The following CFAP299 variants were observed in gnomAD, a reference collection of about 807,000 sequenced individuals.
The protein encoded by CFAP299 is cilia and flagella associated protein 299.
A neutral mutation model predicts 27.0 loss-of-function variants in CFAP299; 21 were observed. The ratio of observed to expected loss-of-function variants is 0.78; its 90% CI spans 0.55 to 1.12. CFAP299 has a LOEUF of 1.12. Ranked by LOEUF, CFAP299 falls within the 50% of genes most tolerant of loss-of-function variation. The probability of loss-of-function intolerance (pLI) is 0.00; values close to 1 mark genes in which losing one functional copy is unlikely to be tolerated. For missense variants in CFAP299, 310 were observed against 276.6 expected, an observed-to-expected ratio of 1.12 and a Z score of -0.86; for synonymous variants, 104 against 98.1, an observed-to-expected ratio of 1.06 and a Z score of -0.36.
rs529807026 is a variant in CFAP299, at chr4:80,492,800, C to CAAAG, written c.243-90292_243-90289dup. ...TTTATCATGGTTTCTACAGGAAAGG[C>CAAAG]AAAGCAAGACTGAGTAAGCAGGCTT... On this transcript the variant is annotated intron_variant, in intron 2 of 5. Transcript: ENST00000358105. Among the ~76,000 whole-genome samples the CAAAG allele has an allele frequency of 6.6e-4, 101 of 152,220 alleles. 1 individual carries two copies. The highest frequency in any genetic ancestry group is 1.1e-3 in the Non-Finnish European group (75 of 68,014).
chr4:80,614,852 G>A (rs1423816210), intron 3 of CFAP299, among the ~76,000 whole-genome samples: 2 of 152,126 alleles, frequency 1.3e-5, no homozygotes, highest in Non-Finnish European at 2.9e-5. Context: ...TATCTGAACA[G>A]CAGAGAAAAA....
At chr4:80,376,997 A>G (rs558413666) in intron 2 of CFAP299, among the ~76,000 whole-genome samples, 1 of 152,200 alleles carries the variant, frequency 6.6e-6, no homozygotes, top group African/African-American at 2.4e-5. Flanking sequence ...AGTGTTCTTT[A>G]TATATTCCAG....
At chr4:80,866,237 TA>T (rs1459650436) in intron 3 of CFAP299, among the ~76,000 whole-genome samples, 28 of 151,378 alleles carry the variant, frequency 1.8e-4, no homozygotes, top group Admixed American at 1.5e-3. Context: ...AGCTTAGGTT[TA>T]AAAAATTTAA....
intron 2 of CFAP299, among the ~76,000 whole-genome samples, chr4:80,530,201 A>G (rs1311266501): frequency 6.6e-6 from 1 of 152,176 alleles, no homozygotes; most frequent in African/African-American, 2.4e-5. Flanking sequence ...TTGACAATAT[A>G]TCTGGAACTA....
chr4:80,501,506 A>C (rs1378910270), intron 2 of CFAP299, among the ~76,000 whole-genome samples: 1 of 147,712 alleles, frequency 6.8e-6, no homozygotes, highest in East Asian at 1.9e-4. Context: ...TTATATAAAT[A>C]TATGTACATA....
chr4:80,879,740 G>A (rs1733596537), intron 4 of CFAP299, among the ~76,000 whole-genome samples: 2 of 152,200 alleles, frequency 1.3e-5, no homozygotes, highest in Non-Finnish European at 2.9e-5. Context: ...GTTAACATGT[G>A]TATGCACCAC....
chr4:80,870,216 C>A, intron 4 of CFAP299, 81 bp downstream of exon 4: 2 of 1,461,162 alleles, frequency 1.4e-6, no homozygotes, highest in Non-Finnish European at 1.8e-6. Context: ...GCCTAAAATG[C>A]TAATGTATAT....
At position 80,892,940 on chromosome 4, in the gene CFAP299, C is replaced by A. The variant is rs147713653; in HGVS notation, c.476+22805C>A. On this transcript the variant is annotated intron_variant, in intron 4 of 5. Coordinates refer to ENST00000358105, the MANE Select transcript of CFAP299 (RefSeq NM_152770.3). ...ATCAGAAAGGAAGAGGTATGACTAT[C>A]TCTATTTGCAGATGACATAATCTTA... 2.3e-3 allele frequency among the ~76,000 whole-genome samples: 342 copies of A among 151,890 alleles called. 4 individuals are homozygous for A. Among genetic ancestry groups the A allele is most frequent in the Middle Eastern group, 6.8e-3 (2 of 294 alleles).
chr4:80,845,293 T>TTA (rs201846435), intron 3 of CFAP299, among the ~76,000 whole-genome samples: 1 of 150,810 alleles, frequency 6.6e-6, no homozygotes, highest in Non-Finnish European at 1.5e-5. Flanking sequence ...TTTTTTTTTT[T>TTA]AAAAGACCGT....
At chr4:80,911,332 C>T (rs553658426) in intron 4 of CFAP299, among the ~76,000 whole-genome samples, 38 of 151,374 alleles carry the variant, frequency 2.5e-4, no homozygotes, top group African/African-American at 8.7e-4. Context: ...TTCAACCAAA[C>T]TCACATTTGA....
intron 2 of CFAP299, among the ~76,000 whole-genome samples, chr4:80,506,945 T>C (rs1732066941): frequency 6.6e-6 from 1 of 152,170 alleles, no homozygotes; most frequent in Non-Finnish European, 1.5e-5. Flanking sequence ...TGAACTAAAG[T>C]CTATCTAACA....
chr4:80,810,163 C>T (rs1211308722), intron 3 of CFAP299, among the ~76,000 whole-genome samples: 1 of 151,986 alleles, frequency 6.6e-6, no homozygotes, highest in Non-Finnish European at 1.5e-5. Flanking sequence ...GGTGTATTGT[C>T]TGACAAGCAA....
At chr4:80,383,061 C>G (rs548208896) in intron 2 of CFAP299, among the ~76,000 whole-genome samples, 1 of 152,206 alleles carries the variant, frequency 6.6e-6, no homozygotes, top group East Asian at 1.9e-4. Flanking sequence ...GGCATTATCC[C>G]TAGCAAGCTA....
chr4:80,553,086 C>T (rs1447680346), intron 2 of CFAP299, among the ~76,000 whole-genome samples: 2 of 151,838 alleles, frequency 1.3e-5, no homozygotes, highest in Non-Finnish European at 2.9e-5. Context: ...GTTTGTGGTA[C>T]AGATTATTTT....
intron 2 of CFAP299, among the ~76,000 whole-genome samples, chr4:80,524,677 A>G (rs528994406): frequency 1.3e-5 from 2 of 152,132 alleles, no homozygotes; most frequent in Non-Finnish European, 2.9e-5. Context: ...CTGGGTCATT[A>G]CCATTGCTTG....
chr4:80,902,186 G>A (rs1379703372), intron 4 of CFAP299, among the ~76,000 whole-genome samples: 1 of 151,448 alleles, frequency 6.6e-6, no homozygotes, highest in Non-Finnish European at 1.5e-5. Flanking sequence ...TAGGTAGAAT[G>A]TATAATTAAG....
chr4:80,652,066 G>T (rs4693072), intron 3 of CFAP299, among the ~76,000 whole-genome samples: 58 of 152,046 alleles, frequency 3.8e-4, no homozygotes, highest in African/African-American at 1.4e-3. Context: ...GAAAAGTTAG[G>T]CTGTGATTGT....
At chr4:80,343,136 T>G (rs1722537113) in intron 1 of CFAP299, among the ~76,000 whole-genome samples, 1 of 152,206 alleles carries the variant, frequency 6.6e-6, no homozygotes, top group Non-Finnish European at 1.5e-5. Flanking sequence ...CTATCTTAAA[T>G]ATATATGCAC....
At chr4:80,407,929 T>C (rs1726515504) in intron 2 of CFAP299, among the ~76,000 whole-genome samples, 1 of 152,238 alleles carries the variant, frequency 6.6e-6, no homozygotes, top group Non-Finnish European at 1.5e-5. Context: ...ACTTACTTTT[T>C]CACCTAACAT....
Sources: allele counts gnomAD v4.1 joint callset (sites outside exome capture counted in the v4.1 genomes callset), GRCh38; gene constraint gnomAD v4.1.1; transcripts MANE v1.5; gene names NCBI Gene and HGNC (gene_info 2026-07-23, HGNC 2026-07-21).